PTK2: variants seen among roughly 807,000 people sequenced by gnomAD.
The protein encoded by PTK2 is protein tyrosine kinase 2, also known as focal adhesion kinase 1.
In PTK2, 45 loss-of-function variants were observed where a neutral mutation model predicts 150.1. The ratio of observed to expected loss-of-function variants is 0.30; its 90% CI spans 0.24 to 0.38. The LOEUF is 0.38. Ranked by LOEUF, PTK2 falls within the 10% of genes least tolerant of loss-of-function variation. PTK2 has a pLI of 1.00. For missense variants in PTK2, 919 were observed against 1,307.3 expected, an observed-to-expected ratio of 0.70 and a Z score of 4.58; for synonymous variants, 432 against 449.2, an observed-to-expected ratio of 0.96 and a Z score of 0.48.
intron 3 of PTK2, among the ~76,000 whole-genome samples, chr8:140,889,065 A>C (rs923248885): frequency 1.3e-5 from 2 of 152,152 alleles, no homozygotes; most frequent in Admixed American, 1.3e-4. Context: ...TAGAAAAAAA[A>C]CAGAAAACGC....
intron 1 of PTK2, among the ~76,000 whole-genome samples, chr8:140,962,466 C>T (rs1230689148): frequency 6.6e-6 from 1 of 152,150 alleles, no homozygotes; most frequent in Admixed American, 6.5e-5. Context: ...TACAAACACA[C>T]ATACTCTGTG....
chr8:140,701,349 CA>C (rs2100030341), intron 25 of PTK2, among the ~76,000 whole-genome samples: 2 of 152,122 alleles, frequency 1.3e-5, no homozygotes, highest in African/African-American at 4.8e-5. Context: ...GGCTGAAATA[CA>C]ATACATATTA....
intron 1 of PTK2, among the ~76,000 whole-genome samples, chr8:140,979,097 C>A (rs2100190419): frequency 8.0e-6 from 1 of 124,572 alleles, no homozygotes; most frequent in Non-Finnish European, 1.6e-5. Flanking sequence ...ACATCACACA[C>A]CGGGGCCTGT....
intron 1 of PTK2, among the ~76,000 whole-genome samples, chr8:140,927,816 G>A (rs865864476): frequency 8.0e-5 from 12 of 150,868 alleles, no homozygotes; most frequent in African/African-American, 1.7e-4. Context: ...TTGGCCGCGC[G>A]TGGTGGCACA....
At chr8:140,972,220 ATTTT>A (rs572334481) in intron 1 of PTK2, among the ~76,000 whole-genome samples, 1 of 152,018 alleles carries the variant, frequency 6.6e-6, no homozygotes, top group Non-Finnish European at 1.5e-5. Flanking sequence ...TTAGACCTGT[ATTTT>A]TTTAATTATG....
At chr8:140,971,813 A>G (rs545924241) in intron 1 of PTK2, among the ~76,000 whole-genome samples, 3 of 152,384 alleles carry the variant, frequency 2.0e-5, no homozygotes, top group African/African-American at 7.2e-5. Context: ...ACATTCCAGT[A>G]GCATTTTTCA....
At chr8:140,857,246 T>C (rs2100133257) in intron 5 of PTK2, among the ~76,000 whole-genome samples, 1 of 152,192 alleles carries the variant, frequency 6.6e-6, no homozygotes, top group Non-Finnish European at 1.5e-5. Flanking sequence ...GTCATCCCTT[T>C]GCACTTAACT....
chr8:140,671,924 T>A (rs1371308611), intron 29 of PTK2, among the ~76,000 whole-genome samples: 9 of 128,112 alleles, frequency 7.0e-5, no homozygotes, highest in African/African-American at 2.6e-4. Flanking sequence ...AGAGTGAGAC[T>A]CTGTCTCAGG....
intron 26 of PTK2, 27 bp downstream of exon 29, chr8:140,700,864 A>G (rs777912832): frequency 3.7e-6 from 6 of 1,612,406 alleles, no homozygotes; most frequent in East Asian, 4.5e-5. Context: ...TTAAAAAGTC[A>G]AAGAAGCCTT....
At chr8:140,956,448 G>A (rs2100181247) in intron 1 of PTK2, among the ~76,000 whole-genome samples, 2 of 152,198 alleles carry the variant, frequency 1.3e-5, no homozygotes, top group South Asian at 2.1e-4. Flanking sequence ...TAGCACATAC[G>A]ATTATGTACA....
intron 14 of PTK2, among the ~76,000 whole-genome samples, chr8:140,777,055 G>A (rs577404105): frequency 1.3e-5 from 2 of 152,312 alleles, no homozygotes; most frequent in East Asian, 1.9e-4. Context: ...CTACTAAGGC[G>A]GGGAAACCAC....
chr8:140,863,497 A>C lies in PTK2; in HGVS notation c.450+815T>G, dbSNP rs905774118. Reference sequence around the variant, plus strand: ...GTGGTCCCTCTCTCACCAAAATGTTATGAACTATTTTAGCTAAGACTGCAC... The same window carrying C: ...GTGGTCCCTCTCTCACCAAAATGTTCTGAACTATTTTAGCTAAGACTGCAC... On this transcript the variant is annotated intron_variant, in intron 5 of 31. Coordinates refer to ENST00000522684, the Ensembl canonical transcript of PTK2. Among the ~76,000 whole-genome samples the C allele has an allele frequency of 1.6e-4, 24 of 152,348 alleles. No homozygotes were observed. The East Asian group carries it at 3.9e-3, about 24-fold the overall frequency.
At chr8:140,705,122 T>C (rs1162191522) in intron 24 of PTK2, among the ~76,000 whole-genome samples, 3 of 152,208 alleles carry the variant, frequency 2.0e-5, no homozygotes, top group Admixed American at 1.3e-4. Context: ...GGCGGCTAGA[T>C]AAAGAGGCTA....
At chr8:140,857,702 T>A (rs1411091831) in intron 5 of PTK2, among the ~76,000 whole-genome samples, 1 of 152,210 alleles carries the variant, frequency 6.6e-6, no homozygotes, top group Non-Finnish European at 1.5e-5. Flanking sequence ...CCACTTCTCC[T>A]TACTTCCGCC....
chr8:140,858,050 A>T (rs1399385763), intron 5 of PTK2, among the ~76,000 whole-genome samples: 9 of 152,258 alleles, frequency 5.9e-5, no homozygotes. Flanking sequence ...CAGATAGATT[A>T]GCAAATAATA....
chr8:140,675,610 G>A, intron 27 of PTK2, 111 bp from the exon 31 acceptor site: 1 of 793,736 alleles, frequency 1.3e-6, no homozygotes. Flanking sequence ...AGATTCTAGT[G>A]TATCAAAATG....
intron 4 of PTK2, among the ~76,000 whole-genome samples, chr8:140,864,895 C>A (rs897460453): frequency 3.9e-5 from 6 of 152,152 alleles, no homozygotes; most frequent in African/African-American, 1.4e-4. Flanking sequence ...TTATAAATGT[C>A]TTCTGGTAAA....
intron 1 of PTK2, among the ~76,000 whole-genome samples, chr8:140,958,216 C>T (rs934579918): frequency 6.6e-6 from 1 of 152,206 alleles, no homozygotes; most frequent in Non-Finnish European, 1.5e-5. Context: ...TGCCTCACTG[C>T]AGCACCAACC....
chr8:140,669,794 A>G, intron 29 of PTK2, 59 bp from the exon 33 acceptor site: 1 of 1,478,978 alleles, frequency 6.8e-7, no homozygotes, highest in Non-Finnish European at 9.1e-7. Context: ...AAGGGAAAAA[A>G]GAAAAACAAT....
Sources: allele counts gnomAD v4.1 joint callset (sites outside exome capture counted in the v4.1 genomes callset), GRCh38; gene constraint gnomAD v4.1.1; transcripts MANE v1.5; gene names NCBI Gene and HGNC (gene_info 2026-07-23, HGNC 2026-07-21).